The following RPH3A variants were observed in gnomAD, a reference collection of about 807,000 sequenced individuals.
RPH3A encodes rabphilin-3A.
Under a neutral mutation model 102.2 loss-of-function variants are expected in RPH3A, and 48 were observed. The ratio of observed to expected loss-of-function variants is 0.47; its 90% CI spans 0.37 to 0.60. The LOEUF is 0.60. RPH3A is among the 20% of genes least tolerant of loss of function. RPH3A has a pLI of 0.00. For missense variants in RPH3A, 781 were observed against 910.1 expected (o/e 0.86, Z 1.83); for synonymous variants, 310 against 324.3 (o/e 0.96, Z 0.47).
intron 1 of RPH3A, among the ~76,000 whole-genome samples, chr12:112,766,548 G>A (rs2136069865): frequency 6.6e-6 from 1 of 152,254 alleles, no homozygotes; most frequent in South Asian, 2.1e-4. Context: ...CAAGCAGGAG[G>A]TGTTACCAAG....
At chr12:112,800,720 A>T (rs1158069022) in intron 2 of RPH3A, among the ~76,000 whole-genome samples, 2 of 152,104 alleles carry the variant, frequency 1.3e-5, no homozygotes, top group African/African-American at 2.4e-5. Context: ...TGGATCAGAC[A>T]TAAGGGGAGA....
chr12:112,717,615 G>A (rs1167197124), intron 1 of RPH3A, among the ~76,000 whole-genome samples: 2 of 151,670 alleles, frequency 1.3e-5, no homozygotes, highest in African/African-American at 4.8e-5. Flanking sequence ...ATTGTGGTTT[G>A]TTTATTCATT....
intron 1 of RPH3A, among the ~76,000 whole-genome samples, chr12:112,705,551 G>C (rs2040422097): frequency 1.3e-5 from 2 of 152,124 alleles, no homozygotes; most frequent in African/African-American, 2.4e-5. Context: ...AATTATGAAG[G>C]TAATTTAGAC....
intron 1 of RPH3A, among the ~76,000 whole-genome samples, chr12:112,594,843 C>T (rs1394599200): frequency 6.6e-6 from 1 of 152,190 alleles, no homozygotes; most frequent in Non-Finnish European, 1.5e-5. Context: ...TTAATTAATT[C>T]ACCAATGTTC....
At chr12:112,669,389 A>G (rs2040111687) in intron 1 of RPH3A, among the ~76,000 whole-genome samples, 1 of 152,234 alleles carries the variant, frequency 6.6e-6, no homozygotes, top group Admixed American at 6.5e-5. Flanking sequence ...AAAAATAATA[A>G]AGCTGACTTG....
At chr12:112,837,165 C>T (rs1019163465) in intron 4 of RPH3A, among the ~76,000 whole-genome samples, 2 of 152,188 alleles carry the variant, frequency 1.3e-5, no homozygotes, top group Non-Finnish European at 2.9e-5. Context: ...CCTCTCTCCC[C>T]GCAATCATGG....
chr12:112,686,864 G>A (rs2040268326), intron 1 of RPH3A, among the ~76,000 whole-genome samples: 1 of 152,216 alleles, frequency 6.6e-6, no homozygotes, highest in South Asian at 2.1e-4. Context: ...GGGTGCAGTG[G>A]CTCACGCCTG....
At chr12:112,755,298 T>C (rs77870337) in intron 1 of RPH3A, among the ~76,000 whole-genome samples, 729 of 145,920 alleles carry the variant, frequency 5.0e-3, no homozygotes, top group African/African-American at 0.011. Flanking sequence ...TATATGTATA[T>C]ACACACACAC....
upstream of RPH3A, chr12:112,791,018 T>G (rs1191168073): frequency 1.3e-5 from 2 of 152,196 alleles, no homozygotes; most frequent in Non-Finnish European, 2.9e-5. Context: ...TTTTCACAGA[T>G]GGGACTTGGA....
chr12:112,646,991 G>A (rs561266318), intron 1 of RPH3A, among the ~76,000 whole-genome samples: 1 of 152,244 alleles, frequency 6.6e-6, no homozygotes, highest in East Asian at 1.9e-4. Context: ...AGCTATGGGG[G>A]TACTCTAAAG....
At position 112,869,786 on chromosome 12, in the gene RPH3A, G is replaced by A. The variant is rs924513696; in HGVS notation, c.638G>A (p.Gly213Asp). 10 of 1,614,056 alleles carry A rather than the reference G, an allele frequency of 6.2e-6. No homozygotes were observed. In the Admixed American group the frequency reaches 1.3e-4, roughly 22 times the overall value. Residue 213 changes from glycine (G) to aspartate (D), a missense_variant, in exon 9 of 22, where the codon GGT (glycine) becomes GAT (aspartate). Transcript: ENST00000389385. Reference sequence around the variant, plus strand: ...GACAGTGAAGATAGGAGGGGCCCGGGTCAGAAGACAGGTGGGTTCTGCTGA... The same window carrying A: ...GACAGTGAAGATAGGAGGGGCCCGGATCAGAAGACAGGTGGGTTCTGCTGA... ...RGDSEDRRGPGQKTGPDPASA... is the reference protein window; with the variant it reads ...RGDSEDRRGPDQKTGPDPASA...
chr12:112,734,939 G>T (rs1056270908), intron 1 of RPH3A, among the ~76,000 whole-genome samples: 1 of 152,176 alleles, frequency 6.6e-6, no homozygotes, highest in Non-Finnish European at 1.5e-5. Flanking sequence ...CAAGGACTTC[G>T]TGACCTGTAT....
At chr12:112,656,839 T>A (rs964288129) in intron 1 of RPH3A, among the ~76,000 whole-genome samples, 2 of 152,056 alleles carry the variant, frequency 1.3e-5, no homozygotes, top group East Asian at 1.9e-4. Context: ...ATTTTCTTTA[T>A]CCAATTATCC....
At chr12:112,697,648 C>G (rs1028999513) in intron 1 of RPH3A, among the ~76,000 whole-genome samples, 1 of 152,014 alleles carries the variant, frequency 6.6e-6, no homozygotes, top group African/African-American at 2.4e-5. Flanking sequence ...GTGGATCACT[C>G]GAGGTCAGGG....
At chr12:112,841,173 T>TAAAAAAAAA (rs11447068) in intron 4 of RPH3A, among the ~76,000 whole-genome samples, 3 of 33,360 alleles carry the variant, frequency 9.0e-5, no homozygotes, top group East Asian at 1.1e-3. Context: ...CCTTGTTTCT[T>TAAAAAAAAA]AAAAAAAAAA....
At position 112,760,470 on chromosome 12, in the gene RPH3A, A is replaced by C. The variant is rs1379708600; in HGVS notation, c.-139-31673A>C. 2.6e-5 allele frequency among the ~76,000 whole-genome samples: 4 copies of C among 152,396 alleles called. No individual in the cohort carries two copies. In the South Asian group the frequency reaches 6.2e-4, roughly 24 times the overall value. ...ATGCTAGGCATGGTAGGAGAATATC[A>C]AATACAGTGCAGCATGATGCTGGCT... On this transcript the variant is annotated intron_variant, in intron 1 of 21. Coordinates refer to the RPH3A transcript ENST00000543106.
intron 1 of RPH3A, among the ~76,000 whole-genome samples, chr12:112,677,349 T>C (rs1361421592): frequency 1.2e-3 from 41 of 35,292 alleles, no homozygotes; most frequent in Non-Finnish European, 1.4e-3. Context: ...CTCCTTCCCT[T>C]CCTCCCTCCC....
At chr12:112,832,613 A>G (rs1356539861) in intron 3 of RPH3A, among the ~76,000 whole-genome samples, 2 of 152,190 alleles carry the variant, frequency 1.3e-5, no homozygotes, top group African/African-American at 4.8e-5. Context: ...AGGCCAAGGC[A>G]GGAGTATCAC....
chr12:112,753,915 A>G (rs144712317), intron 1 of RPH3A, among the ~76,000 whole-genome samples: 241 of 152,324 alleles, frequency 1.6e-3, no homozygotes, highest in Non-Finnish European at 1.9e-3. Context: ...ATCTTTATAC[A>G]GGAGAGGCAG....
Sources: allele counts gnomAD v4.1 joint callset (sites outside exome capture counted in the v4.1 genomes callset), GRCh38; gene constraint gnomAD v4.1.1; transcripts MANE v1.5; gene names NCBI Gene and HGNC (gene_info 2026-07-23, HGNC 2026-07-21).